The following BFSP1 variants were observed in gnomAD, a reference collection of about 807,000 sequenced individuals.
BFSP1 encodes the protein filensin.
Under a neutral mutation model 43.9 loss-of-function variants are expected in BFSP1, and 38 were observed. The ratio of observed to expected loss-of-function variants is 0.87; its 90% CI spans 0.67 to 1.14. The LOEUF (loss-of-function observed/expected upper bound fraction) is 1.14, where lower values mean the gene tolerates loss of function less well. Ranked by LOEUF, BFSP1 falls within the 50% of genes most tolerant of loss-of-function variation. The probability of loss-of-function intolerance (pLI) is 0.00; values close to 1 mark genes in which losing one functional copy is unlikely to be tolerated. For synonymous variants in BFSP1, 352 were observed against 354.8 expected, an observed-to-expected ratio of 0.99 and a Z score of 0.09; for missense variants, 850 against 875.1, an observed-to-expected ratio of 0.97 and a Z score of 0.36.
At chr20:17,536,507 A>AG (rs1300587223) in intron 1 of BFSP1, among the ~76,000 whole-genome samples, 1 of 152,240 alleles carries the variant, frequency 6.6e-6, no homozygotes, top group Non-Finnish European at 1.5e-5. Context: ...ACTCCAGTCT[A>AG]GGTGATAGAA....
upstream of BFSP1, among the ~76,000 whole-genome samples, chr20:17,563,727 T>C (rs6034854): frequency 0.92 from 140,201 of 151,644 alleles, 65,219 homozygotes; most frequent in East Asian, 1. Context: ...ACACACGAAA[T>C]ATTTAAAAAT....
chr20:17,561,348 A>C (rs565520354), upstream of BFSP1, among the ~76,000 whole-genome samples: 1 of 152,160 alleles, frequency 6.6e-6, no homozygotes, highest in East Asian at 1.9e-4. Flanking sequence ...AATACAAAAA[A>C]ATTAGCTGGG....
At chr20:17,539,107 T>TC (rs1555804654) in intron 1 of BFSP1, among the ~76,000 whole-genome samples, 12 of 100,320 alleles carry the variant, frequency 1.2e-4, no homozygotes, top group East Asian at 7.3e-4. Context: ...TTCTTCTTCT[T>TC]TTTTTTTTTT....
At chr20:17,546,190 C>A (rs1466397394) in intron 1 of BFSP1, among the ~76,000 whole-genome samples, 3 of 152,126 alleles carry the variant, frequency 2.0e-5, no homozygotes, top group African/African-American at 4.8e-5. Flanking sequence ...AGAAAACTTA[C>A]AATCATGGCA....
intron 1 of BFSP1, among the ~76,000 whole-genome samples, chr20:17,538,742 T>A (rs2034669867): frequency 6.6e-6 from 1 of 152,210 alleles, no homozygotes; most frequent in African/African-American, 2.4e-5. Context: ...AATGCAGAAA[T>A]GAGTCATTGT....
Position 17,508,871 on chromosome 20 carries a change from C to T in BFSP1, c.735+18G>A, listed in dbSNP as rs771012870. On this transcript the variant is annotated intron_variant, in intron 5 of 7. Coordinates refer to ENST00000377873, the MANE Select transcript of BFSP1 (RefSeq NM_001195.5). ...CATGTGGGAAGCCCCAATGCACACG[C>T]GGCAGACTCGAGCGTACCTGTGCCT... The T allele has an allele frequency of 8.4e-6, 13 of 1,548,002 alleles. No homozygotes were observed. The highest frequency in any genetic ancestry group is 4.1e-5 in the African/African-American group (3 of 72,824).
intron 1 of BFSP1, among the ~76,000 whole-genome samples, chr20:17,550,633 C>A (rs537631888): frequency 6.6e-6 from 1 of 151,700 alleles, no homozygotes; most frequent in Non-Finnish European, 1.5e-5. Context: ...CCACCACACC[C>A]GGCTAATTTT....
intron 3 of BFSP1, among the ~76,000 whole-genome samples, chr20:17,513,050 A>C (rs1046220301): frequency 6.6e-6 from 1 of 152,038 alleles, no homozygotes; most frequent in African/African-American, 2.4e-5. Flanking sequence ...CTCATCCCCA[A>C]CCCAGGCCAA....
At chr20:17,508,660 G>A (rs188352734) in intron 5 of BFSP1, among the ~76,000 whole-genome samples, 14 of 152,312 alleles carry the variant, frequency 9.2e-5, no homozygotes, top group Admixed American at 5.9e-4. Context: ...AGGAATGAGC[G>A]TGGCACCTGT....
chr20:17,538,769 C>T (rs2034670389), intron 1 of BFSP1, among the ~76,000 whole-genome samples: 1 of 152,174 alleles, frequency 6.6e-6, no homozygotes, highest in Admixed American at 6.5e-5. Flanking sequence ...AGGTGCCATC[C>T]TCAGGACTGC....
chr20:17,512,760 C>T (rs766749536), intron 3 of BFSP1, among the ~76,000 whole-genome samples: 5 of 152,158 alleles, frequency 3.3e-5, no homozygotes, highest in African/African-American at 4.8e-5. Context: ...GCACAAAGGA[C>T]CCTTTCCAAC....
At chr20:17,559,808 C>T (rs1338522483), upstream of BFSP1, among the ~76,000 whole-genome samples, 8 of 152,064 alleles carry the variant, frequency 5.3e-5, no homozygotes, top group South Asian at 2.1e-4. Context: ...ACCAATCCCC[C>T]GCCAACCATC....
rs148119487 is a variant in BFSP1, at chr20:17,494,133, C to G, written c.1939G>C (p.Glu647Gln). The G allele has an allele frequency of 1.0e-4, 164 of 1,614,158 alleles. 2 individuals carry two copies. In the East Asian group the frequency reaches 3.3e-3, roughly 32 times the overall value. Reference protein sequence around the residue: ...QTYEETAVIVETMIGKTKSDK... With the variant: ...QTYEETAVIVQTMIGKTKSDK... Reference sequence around the variant, plus strand: ...GACTTTGTCTTTCCAATCATGGTCTCCACGATCACAGCGGTTTCTTCATAT... The same window carrying G: ...GACTTTGTCTTTCCAATCATGGTCTGCACGATCACAGCGGTTTCTTCATAT... The change falls in exon 8 of 8, where the codon GAG (glutamate) becomes CAG (glutamine). Residue 647 changes from glutamate (E) to glutamine (Q), a missense_variant. By Grantham distance (29) the Glu-to-Gln change is conservative (BLOSUM62 2). Transcript: ENST00000377873.
intron 5 of BFSP1, among the ~76,000 whole-genome samples, chr20:17,501,236 T>C (rs1362532404): frequency 1.3e-4 from 20 of 152,206 alleles, no homozygotes; most frequent in Non-Finnish European, 5.9e-5. Flanking sequence ...CCTTGGATCA[T>C]GAAATTCCTT....
At chr20:17,558,955 A>C (rs2035040023) in exon 1 of BFSP1, 1 of 380,486 alleles carries the variant, frequency 2.6e-6, no homozygotes, top group Non-Finnish European at 4.6e-6. Context: ...TCCAGCATGG[A>C]AAATTTTACT....
upstream of BFSP1, among the ~76,000 whole-genome samples, chr20:17,534,896 T>C (rs916350002): frequency 6.6e-6 from 1 of 151,992 alleles, no homozygotes; most frequent in African/African-American, 2.4e-5. Flanking sequence ...GGCTTGTGCC[T>C]GTAGTCCCAG....
intron 1 of BFSP1, among the ~76,000 whole-genome samples, chr20:17,551,971 G>A (rs2034902567): frequency 6.6e-6 from 1 of 151,896 alleles, no homozygotes; most frequent in Non-Finnish European, 1.5e-5. Context: ...GGCGACAACA[G>A]CAAGACTCTC....
chr20:17,552,476 A>C (rs1033409321), intron 1 of BFSP1, among the ~76,000 whole-genome samples: 1 of 152,112 alleles, frequency 6.6e-6, no homozygotes, highest in Admixed American at 6.6e-5. Context: ...GAGTAAAGGG[A>C]AGCCTTTGAT....
At chr20:17,554,913 GT>G (rs1229305941) in intron 1 of BFSP1, among the ~76,000 whole-genome samples, 2 of 152,190 alleles carry the variant, frequency 1.3e-5, no homozygotes, top group East Asian at 3.9e-4. Context: ...AAAATCAAAT[GT>G]TTGTCTTTAA....
Sources: allele counts gnomAD v4.1 joint callset (sites outside exome capture counted in the v4.1 genomes callset), GRCh38; gene constraint gnomAD v4.1.1; transcripts MANE v1.5; gene names NCBI Gene and HGNC (gene_info 2026-07-23, HGNC 2026-07-21).